FAM81A: variants seen among roughly 807,000 people sequenced by gnomAD.
FAM81A encodes the protein family with sequence similarity 81 member A.
A neutral mutation model predicts 46.7 loss-of-function variants in FAM81A; 19 were observed. The ratio of observed to expected loss-of-function variants is 0.41; its 90% confidence interval spans 0.28 to 0.60. FAM81A has a LOEUF of 0.60. Among genes scored for constraint, FAM81A ranks in the 20% least tolerant of loss-of-function variants. The pLI is 0.34. For missense variants in FAM81A, 377 were observed against 453.5 expected (o/e 0.83, Z 1.53); for synonymous variants, 183 against 152.9 (o/e 1.20, Z -1.45).
intron 4 of FAM81A, among the ~76,000 whole-genome samples, chr15:59,501,455 G>GATATAACTGCC (rs2082089858): frequency 6.6e-6 from 1 of 151,886 alleles, no homozygotes; most frequent in South Asian, 2.1e-4. Context: ...CAGCTATAAA[G>GATATAACTGCC]GGCTTAATGA....
intron 3 of FAM81A, among the ~76,000 whole-genome samples, chr15:59,466,648 C>T (rs370233258): frequency 1.3e-5 from 2 of 152,114 alleles, no homozygotes; most frequent in Non-Finnish European, 2.9e-5. Flanking sequence ...TTCTCCCATT[C>T]TGTAGGTTGC....
At chr15:59,479,233 C>T (rs573246364) in intron 3 of FAM81A, among the ~76,000 whole-genome samples, 16 of 152,156 alleles carry the variant, frequency 1.1e-4, no homozygotes, top group African/African-American at 3.1e-4. Context: ...GGATGGTGGC[C>T]GGGCGCGGTG....
In FAM81A at chr15:59,507,347, G is replaced by GA; in HGVS notation, c.543+6dup. ...ATCAAAGATGCAGAGGGACAGGTAC[G>GA]ACCTGTTTCAGGTAGCTTTTAGAAG... On this transcript the variant is annotated splice_donor_region_variant and intron_variant, in intron 5 of 8. Coordinates refer to ENST00000288228, the MANE Select transcript of FAM81A (RefSeq NM_152450.3). 1 of 1,611,084 alleles carries GA rather than the reference G, an allele frequency of 6.2e-7. No homozygotes were observed.
intron 1 of FAM81A, among the ~76,000 whole-genome samples, chr15:59,441,628 G>A (rs1417169126): frequency 6.6e-6 from 1 of 152,178 alleles, no homozygotes; most frequent in Admixed American, 6.5e-5. Flanking sequence ...TCTGGCATAG[G>A]TGTCCTGGCT....
At chr15:59,473,970 C>A (rs1223648528) in intron 3 of FAM81A, among the ~76,000 whole-genome samples, 1 of 152,158 alleles carries the variant, frequency 6.6e-6, no homozygotes, top group African/African-American at 2.4e-5. Flanking sequence ...AGCTACAGTG[C>A]CCAGCCAGAA....
At chr15:59,470,901 C>T (rs907284537) in intron 3 of FAM81A, among the ~76,000 whole-genome samples, 4 of 152,096 alleles carry the variant, frequency 2.6e-5, no homozygotes, top group Non-Finnish European at 4.4e-5. Context: ...CAGCTCACTG[C>T]AGCCTCAACC....
intron 1 of FAM81A, chr15:59,445,492 C>T (rs867193117): frequency 3.3e-5 from 5 of 152,084 alleles, no homozygotes; most frequent in African/African-American, 9.7e-5. Flanking sequence ...CTCCCCTGCT[C>T]CTAAAATAGT....
At chr15:59,476,394 T>C (rs1481119854) in intron 3 of FAM81A, among the ~76,000 whole-genome samples, 2 of 152,144 alleles carry the variant, frequency 1.3e-5, no homozygotes, top group Non-Finnish European at 2.9e-5. Flanking sequence ...GGTGAACATA[T>C]GAATTTTTGG....
intron 2 of FAM81A, among the ~76,000 whole-genome samples, chr15:59,420,299 C>T (rs1430549421): frequency 1.3e-5 from 2 of 152,142 alleles, no homozygotes; most frequent in Non-Finnish European, 2.9e-5. Context: ...TCACTGTGTC[C>T]CCAGCTTATG....
intron 3 of FAM81A, among the ~76,000 whole-genome samples, chr15:59,487,986 A>C (rs2081939625): frequency 6.6e-6 from 1 of 152,184 alleles, no homozygotes; most frequent in African/African-American, 2.4e-5. Flanking sequence ...CCTACAGGCC[A>C]ATATCCCTGT....
At chr15:59,399,320 C>T (rs1162347569) in intron 1 of FAM81A, among the ~76,000 whole-genome samples, 4 of 152,152 alleles carry the variant, frequency 2.6e-5, no homozygotes, top group Non-Finnish European at 5.9e-5. Context: ...CAGAGCTTAG[C>T]CAAATGGTCT....
At chr15:59,463,062 T>A (rs1202613519) in intron 3 of FAM81A, among the ~76,000 whole-genome samples, 1 of 152,230 alleles carries the variant, frequency 6.6e-6, no homozygotes, top group African/African-American at 2.4e-5. Flanking sequence ...TTATTCTTTT[T>A]GTGTTGCATC....
intron 1 of FAM81A, among the ~76,000 whole-genome samples, chr15:59,399,118 G>T (rs961149906): frequency 6.6e-6 from 1 of 151,812 alleles, no homozygotes; most frequent in East Asian, 2.0e-4. Flanking sequence ...ATGGTAAGAC[G>T]AGATCACACC....
At position 59,508,966 on chromosome 15, in the gene FAM81A, CTAAG is replaced by C. The variant is rs2082177096; in HGVS notation, c.650+2_650+5del. On this transcript the variant is annotated splice_donor_variant and coding_sequence_variant, in exon 6 of 9. Coordinates refer to ENST00000288228, the MANE Select transcript of FAM81A (RefSeq NM_152450.3). LOFTEE classifies it high-confidence loss of function. ...AACCACCAGCTTCAGCTTTTGGACA[CTAAG>C]TAAGCAATCAATTTATTAAAAAAAT... The C allele has an allele frequency of 6.2e-7, 1 of 1,607,562 alleles. No homozygotes were observed. The highest frequency in any genetic ancestry group is 8.5e-7 in the Non-Finnish European group (1 of 1,177,024).
chr15:59,416,414 C>T (rs563764689), intron 2 of FAM81A, among the ~76,000 whole-genome samples: 1 of 152,332 alleles, frequency 6.6e-6, no homozygotes, highest in African/African-American at 2.4e-5. Context: ...AAGTCAGCTG[C>T]CTCAGTTTCC....
intron 2 of FAM81A, among the ~76,000 whole-genome samples, chr15:59,410,987 T>C (rs1309552511): frequency 2.6e-5 from 4 of 152,218 alleles, no homozygotes; most frequent in African/African-American, 9.6e-5. Flanking sequence ...TGGCCTCAAA[T>C]GATCCTTTTG....
rs2082339089 is a variant in FAM81A at position 59,522,661 on chromosome 15, C to A, written c.*1283C>A. The A allele has an allele frequency of 6.6e-6, 1 of 152,488 alleles. No homozygotes were observed. The highest frequency in any genetic ancestry group is 1.5e-5 in the Non-Finnish European group (1 of 68,026). 9.4% of individuals were successfully genotyped at this position (152,488 alleles called of 1,614,324 possible). On this transcript the variant is annotated 3_prime_UTR_variant, in exon 9 of 9. Coordinates refer to ENST00000288228, the MANE Select transcript of FAM81A (RefSeq NM_152450.3). ...TGACAGTGAGACACAACGTTCTGAA[C>A]TGTGAGGGTGTCCCAGGAAAAAGAA...
chr15:59,435,667 A>G (rs762732990), upstream of FAM81A, among the ~76,000 whole-genome samples: 24 of 152,206 alleles, frequency 1.6e-4, no homozygotes, highest in Non-Finnish European at 1.3e-4. Flanking sequence ...AGCATAATAT[A>G]CTGAACAAAT....
At chr15:59,499,531 A>T (rs4390536) in intron 4 of FAM81A, among the ~76,000 whole-genome samples, 152,346 of 152,346 alleles carry the variant, frequency 1, 76,173 homozygotes, top group Non-Finnish European at 1. Flanking sequence ...CAAATTACTA[A>T]CTGGGGCACT....
Sources: gnomAD v4.1 joint callset for allele counts (sites outside exome capture counted in the v4.1 genomes callset) on GRCh38, gnomAD v4.1.1 for gene constraint, MANE v1.5 for transcripts, NCBI Gene and HGNC (gene_info 2026-07-23, HGNC 2026-07-21) for gene names.